The following PHOSPHO2 variants were observed in gnomAD, a reference collection of about 807,000 sequenced individuals.
PHOSPHO2 encodes phosphatase, orphan 2.
Under a neutral mutation model 16.4 loss-of-function variants are expected in PHOSPHO2, and 14 were observed. That is an observed-to-expected ratio of 0.85 (90% CI 0.56 to 1.33). The LOEUF is 1.33. Among genes scored for constraint, PHOSPHO2 ranks in the 40% most tolerant of loss-of-function variants. The pLI, the probability that PHOSPHO2 is intolerant of heterozygous loss-of-function variation, is 0.00. For missense variants in PHOSPHO2, 246 were observed against 282.5 expected, an observed-to-expected ratio of 0.87 and a Z score of 0.93; for synonymous variants, 85 against 90.5, an observed-to-expected ratio of 0.94 and a Z score of 0.34.
intron 3 of PHOSPHO2, among the ~76,000 whole-genome samples, chr2:169,700,521 A>T (rs555919589): frequency 8.4e-4 from 128 of 151,994 alleles, no homozygotes; most frequent in African/African-American, 3.1e-3. Context: ...CCAAGATTTC[A>T]TGTTATGTTA....
At chr2:169,695,608 A>C (rs1687495291) in intron 2 of PHOSPHO2, among the ~76,000 whole-genome samples, 1 of 151,390 alleles carries the variant, frequency 6.6e-6, no homozygotes, top group Non-Finnish European at 1.5e-5. Flanking sequence ...ACTGCACTCC[A>C]GCCTGGGCGA....
intron 3 of PHOSPHO2, among the ~76,000 whole-genome samples, chr2:169,700,580 T>C (rs1255224518): frequency 6.6e-6 from 1 of 152,032 alleles, no homozygotes; most frequent in Non-Finnish European, 1.5e-5. Flanking sequence ...TTATACATGA[T>C]CTGTTATTTA....
chr2:169,701,566 C>T lies in PHOSPHO2; in HGVS notation c.595C>T (p.Arg199Trp), dbSNP rs147796452. The T allele has an allele frequency of 1.4e-5, 23 of 1,612,714 alleles. No homozygotes were observed. The highest frequency in any genetic ancestry group is 2.7e-5 in the African/African-American group (2 of 75,002). The change falls in exon 4 of 4, where the codon CGG (arginine) becomes TGG (tryptophan). Residue 199 changes from arginine (R) to tryptophan (W), a missense_variant. Transcript: ENST00000359744. ...AAAGAATGATGATGTTGCCATGCCACGGAAAGGATATACCTTACAGAAAAC... is the reference window on the plus strand; with the variant it reads ...AAAGAATGATGATGTTGCCATGCCATGGAAAGGATATACCTTACAGAAAAC... ...FLKNDDVAMP[R>W]KGYTLQKTLS...
chr2:169,699,751 G>T (rs1687678781), intron 3 of PHOSPHO2, among the ~76,000 whole-genome samples: 1 of 151,920 alleles, frequency 6.6e-6, no homozygotes, highest in African/African-American at 2.4e-5. Flanking sequence ...TCTCGTTGTG[G>T]CTTTAGTTTG....
At chr2:169,700,270 C>G (rs1275554693) in intron 3 of PHOSPHO2, among the ~76,000 whole-genome samples, 1 of 152,116 alleles carries the variant, frequency 6.6e-6, no homozygotes, top group African/African-American at 2.4e-5. Context: ...TTTGCCTTTG[C>G]TGTGTCCTGA....
intron 3 of PHOSPHO2, among the ~76,000 whole-genome samples, chr2:169,699,730 A>G (rs1405671081): frequency 6.6e-6 from 1 of 152,168 alleles, no homozygotes; most frequent in Non-Finnish European, 1.5e-5. Flanking sequence ...TCTGACTAGT[A>G]TAAGATGGTA....
chr2:169,696,924 G>T (rs752170948), intron 2 of PHOSPHO2, among the ~76,000 whole-genome samples: 1 of 151,860 alleles, frequency 6.6e-6, no homozygotes, highest in Non-Finnish European at 1.5e-5. Context: ...ACACCAAGTC[G>T]ATACCAAGTG....
chr2:169,696,639 G>A (rs1324827161), intron 2 of PHOSPHO2, among the ~76,000 whole-genome samples: 1 of 152,198 alleles, frequency 6.6e-6, no homozygotes, highest in Non-Finnish European at 1.5e-5. Flanking sequence ...CATAGATTGT[G>A]CTTTTGAAGA....
At position 169,694,609 on chromosome 2, in the gene PHOSPHO2, G is replaced by A; in HGVS notation, c.-244G>A. 1.9e-6 allele frequency: 1 copy of A among 537,654 alleles called. No homozygotes were observed. Among genetic ancestry groups the A allele is most frequent in the South Asian group, 2.0e-5 (1 of 49,032 alleles). 33.3% of individuals were successfully genotyped at this position (537,654 alleles called of 1,614,324 possible). On this transcript the variant is annotated 5_prime_UTR_variant, in exon 1 of 4. Coordinates refer to ENST00000359744, the MANE Select transcript of PHOSPHO2 (RefSeq NM_001008489.4). ...CGTCACGGGCGCCGGGGCGGCTGCC[G>A]ACGGCGGGACTGGGTCAGTGAGAAG...
intron 1 of PHOSPHO2, chr2:169,694,865 T>G (rs1367212064): frequency 5.5e-6 from 1 of 180,946 alleles, no homozygotes; most frequent in Non-Finnish European, 1.2e-5. Flanking sequence ...ATAAACGCTG[T>G]TTTTTTAATC....
intron 2 of PHOSPHO2, among the ~76,000 whole-genome samples, chr2:169,696,862 G>A (rs1347329481): frequency 1.3e-5 from 2 of 152,062 alleles, no homozygotes; most frequent in African/African-American, 4.8e-5. Context: ...GCTTAACACT[G>A]ATTTTATCCA....
At chr2:169,696,650 G>T (rs1687547678) in intron 2 of PHOSPHO2, among the ~76,000 whole-genome samples, 1 of 152,222 alleles carries the variant, frequency 6.6e-6, no homozygotes, top group Non-Finnish European at 1.5e-5. Context: ...CTTTTGAAGA[G>T]AACAGTTAAC....
intron 2 of PHOSPHO2, among the ~76,000 whole-genome samples, chr2:169,697,143 G>A (rs1687571412): frequency 1.3e-5 from 2 of 151,774 alleles, no homozygotes; most frequent in Admixed American, 6.6e-5. Context: ...AGTCTCCCAA[G>A]TAGCTAGGAC....
rs758276652 is a variant in PHOSPHO2, at chr2:169,701,091, A to C, written c.120A>C (p.Arg40=). 3.0e-5 allele frequency: 49 copies of C among 1,613,938 alleles called. No individual in the cohort carries two copies. The highest frequency in any genetic ancestry group is 3.6e-5 in the Non-Finnish European group (43 of 1,179,974). The change falls in exon 4 of 4, where the codon CGA becomes CGC. Residue 40 remains arginine, a synonymous_variant. Coordinates refer to ENST00000359744, the MANE Select transcript of PHOSPHO2 (RefSeq NM_001008489.4). Reference sequence around the variant, plus strand: ...CTATTGAACTACGTGATTCTTATCGAAAAGGATTTTGGACAGAATTTATGG... The same window carrying C: ...CTATTGAACTACGTGATTCTTATCGCAAAGGATTTTGGACAGAATTTATGG... The part of the protein sequence containing the change: ...KLPIELRDSY[R]KGFWTEFMGR...
chr2:169,700,204 C>G (rs537905023), intron 3 of PHOSPHO2, among the ~76,000 whole-genome samples: 5 of 152,184 alleles, frequency 3.3e-5, no homozygotes, highest in South Asian at 2.1e-4. Context: ...AATTAGATAC[C>G]ATTTGTCAAT....
Position 169,694,529 on chromosome 2 carries a change from G to C in PHOSPHO2, c.-324G>C, listed in dbSNP as rs1002726862. On this transcript the variant is annotated 5_prime_UTR_variant, in exon 1 of 4. Coordinates refer to ENST00000359744, the MANE Select transcript of PHOSPHO2 (RefSeq NM_001008489.4). ...GCGCTTGCGAGCTGGGCTTGTGAGTGGGGCTGCCGAGAGGGCAGGCGTGGG... is the reference window on the plus strand; with the variant it reads ...GCGCTTGCGAGCTGGGCTTGTGAGTCGGGCTGCCGAGAGGGCAGGCGTGGG... The C allele has an allele frequency of 9.5e-6, 6 of 631,238 alleles. No individual in the cohort carries two copies. The highest frequency in any genetic ancestry group is 1.7e-5 in the Non-Finnish European group (6 of 353,026). The allele number at this position is 631,238 out of a possible 1,614,324, so 39.1% of individuals were successfully genotyped here.
intron 3 of PHOSPHO2, among the ~76,000 whole-genome samples, chr2:169,698,510 G>C (rs1453873648): frequency 6.6e-6 from 1 of 152,080 alleles, no homozygotes; most frequent in Non-Finnish European, 1.5e-5. Flanking sequence ...CTACTTAATA[G>C]GGTTGTGACA....
chr2:169,698,393 A>G (rs1220424600), intron 3 of PHOSPHO2: 6 of 152,308 alleles, frequency 3.9e-5, no homozygotes, highest in African/African-American at 1.4e-4. Flanking sequence ...TAAAAGCATG[A>G]AGTCTGGAAT....
At position 169,701,581 on chromosome 2, in the gene PHOSPHO2, T is replaced by A. The variant is rs770569451; in HGVS notation, c.610T>A (p.Leu204Ile). 2.8e-5 allele frequency: 45 copies of A among 1,611,516 alleles called. No homozygotes were observed. Among genetic ancestry groups the A allele is most frequent in the Non-Finnish European group, 3.7e-5 (44 of 1,179,942 alleles). The change falls in exon 4 of 4, where the codon TTA (leucine) becomes ATA (isoleucine). Residue 204 changes from leucine (L) to isoleucine (I), a missense_variant. Coordinates refer to ENST00000359744, the MANE Select transcript of PHOSPHO2 (RefSeq NM_001008489.4). ...TGCCATGCCACGGAAAGGATATACC[T>A]TACAGAAAACTCTTTCCAGAATGTC... ...DVAMPRKGYT[L>I]QKTLSRMSQN...
Sources: allele counts gnomAD v4.1 joint callset (sites outside exome capture counted in the v4.1 genomes callset), GRCh38; gene constraint gnomAD v4.1.1; transcripts MANE v1.5; gene names NCBI Gene and HGNC (gene_info 2026-07-23, HGNC 2026-07-21).